SGTB: variants seen among roughly 807,000 people sequenced by gnomAD.
SGTB encodes the protein small glutamine rich tetratricopeptide repeat co-chaperone beta.
In SGTB, 19 loss-of-function variants were observed where a neutral mutation model predicts 43.9. The observed-to-expected ratio is 0.43, with a 90% confidence interval of 0.30 to 0.63. The LOEUF is 0.63. Among genes scored for constraint, SGTB ranks in the 30% least tolerant of loss-of-function variants. The pLI is 0.12. For missense variants in SGTB, 304 were observed against 358.9 expected (o/e 0.85, Z 1.24); for synonymous variants, 116 against 117.3 (o/e 0.99, Z 0.07).
intron 5 of SGTB, among the ~76,000 whole-genome samples, chr5:65,693,510 A>C (rs1229746101): frequency 6.6e-6 from 1 of 152,012 alleles, no homozygotes; most frequent in African/African-American, 2.4e-5. Context: ...ATAGAGAGAG[A>C]TGTTCATCAT....
intron 8 of SGTB, among the ~76,000 whole-genome samples, chr5:65,676,154 C>G (rs1447796077): frequency 1.3e-5 from 2 of 152,034 alleles, no homozygotes; most frequent in African/African-American, 4.8e-5. Context: ...ATTTACCAAG[C>G]AAATGGAAAA....
rs1561782258 is a variant in SGTB, at chr5:65,667,958, T to TC, written c.*2287_*2288insG. ...TAGTCTCTTAGTCTCTTTTTCTTTT[T>TC]TTTTTTTTTTTTGAAATGGAGTCTT... On this transcript the variant is annotated 3_prime_UTR_variant, in exon 11 of 11. Coordinates refer to ENST00000381007, the MANE Select transcript of SGTB (RefSeq NM_019072.3). 1 of 95,002 alleles carries TC rather than the reference T, an allele frequency of 1.1e-5. No homozygotes were observed. The highest frequency in any genetic ancestry group is 3.1e-5 in the African/African-American group (1 of 32,260). The allele number at this position is 95,002 out of a possible 1,614,324, so 5.9% of individuals were successfully genotyped here.
intron 5 of SGTB, among the ~76,000 whole-genome samples, chr5:65,688,502 G>T (rs1365745693): frequency 6.6e-6 from 1 of 152,176 alleles, no homozygotes; most frequent in East Asian, 1.9e-4. Flanking sequence ...AGGATGGAGA[G>T]AGAAAATTTT....
upstream of SGTB, chr5:65,722,455 C>T (rs773928294): frequency 5.2e-6 from 8 of 1,541,084 alleles, no homozygotes; most frequent in South Asian, 4.8e-5. Flanking sequence ...GTGGGCAGGG[C>T]GGGGTCTTTC....
At chr5:65,685,506 A>ACTAAT in intron 5 of SGTB, 34 bp from the exon 6 acceptor site, 1 of 1,587,910 alleles carries the variant, frequency 6.3e-7, no homozygotes, top group Non-Finnish European at 8.6e-7. Flanking sequence ...TATTAAAGGC[A>ACTAAT]GTTTTCAAGG....
At chr5:65,693,423 GAGGGAA>G (rs1757656929) in intron 5 of SGTB, among the ~76,000 whole-genome samples, 4 of 150,528 alleles carry the variant, frequency 2.7e-5, no homozygotes, top group Admixed American at 2.0e-4. Context: ...AGGAGAGAGA[GAGGGAA>G]GGAAGGAAGG....
chr5:65,670,945 C>CT (rs1255657162), intron 10 of SGTB, among the ~76,000 whole-genome samples: 1 of 152,094 alleles, frequency 6.6e-6, no homozygotes, highest in African/African-American at 2.4e-5. Context: ...GCATCAGACA[C>CT]AGATTCAAAA....
intron 8 of SGTB, among the ~76,000 whole-genome samples, chr5:65,678,812 C>T (rs963286861): frequency 1.3e-5 from 2 of 152,106 alleles, no homozygotes; most frequent in African/African-American, 4.8e-5. Context: ...AAACTGGACC[C>T]CTTCGTTATA....
intron 5 of SGTB, among the ~76,000 whole-genome samples, chr5:65,697,132 T>C (rs1219338627): frequency 6.6e-6 from 1 of 152,164 alleles, no homozygotes; most frequent in Non-Finnish European, 1.5e-5. Context: ...TTATAGCTAC[T>C]AGAGTCTCAA....
intron 5 of SGTB, among the ~76,000 whole-genome samples, chr5:65,693,157 C>A (rs990820365): frequency 6.6e-6 from 1 of 151,580 alleles, no homozygotes; most frequent in Non-Finnish European, 1.5e-5. Context: ...CCATTGCACT[C>A]CAGGCTGGGT....
chr5:65,712,919 G>A lies in SGTB; in HGVS notation c.204+42C>T, dbSNP rs769970132. 10 of 1,456,804 alleles carry A rather than the reference G, an allele frequency of 6.9e-6. No individual in the cohort carries two copies. In the Admixed American group the frequency reaches 1.6e-4, roughly 23 times the overall value. 90.2% of individuals were successfully genotyped at this position (1,456,804 alleles called of 1,614,324 possible). A position where few individuals can be genotyped will look rare whatever the true frequency, so the allele number is the denominator to read the frequency against. ...ATTAACAATCTATTAACATAAAATT[G>A]TAGTCATATCAGTTAATAATGAGAA... On this transcript the variant is annotated intron_variant, in intron 3 of 10. Coordinates refer to ENST00000381007, the MANE Select transcript of SGTB (RefSeq NM_019072.3).
chr5:65,717,530 T>C (rs538886445), intron 2 of SGTB, among the ~76,000 whole-genome samples: 12 of 151,644 alleles, frequency 7.9e-5, no homozygotes, highest in Admixed American at 6.6e-4. Context: ...TCTATGGTAA[T>C]AGCTAGTCAA....
rs1757885680 is a variant in SGTB at position 65,704,169 on chromosome 5, T to C, written c.374+110A>G. On this transcript the variant is annotated intron_variant, in intron 5 of 10. Transcript: ENST00000381007. ...GTTTATTTTTTCTTCCTTCTTTATA[T>C]TTTTCTGAACTTTCAAAATTTTCTA... The C allele has an allele frequency of 4.0e-6, 3 of 746,282 alleles. No individual in the cohort carries two copies. In the South Asian group the frequency reaches 9.4e-5, roughly 23 times the overall value. 46.2% of individuals were successfully genotyped at this position (746,282 alleles called of 1,614,324 possible).
intron 9 of SGTB, 119 bp from the exon 10 acceptor site, chr5:65,672,117 G>A: frequency 2.6e-6 from 4 of 1,565,634 alleles, no homozygotes; most frequent in South Asian, 1.1e-5. Context: ...CCAAATGTGT[G>A]TGGCTTTAAG....
intron 5 of SGTB, among the ~76,000 whole-genome samples, chr5:65,688,936 A>G (rs1006424164): frequency 6.6e-6 from 1 of 152,030 alleles, no homozygotes; most frequent in Admixed American, 6.6e-5. Context: ...CAGCCTCCCA[A>G]GTAGCTGGGA....
chr5:65,715,786 T>G (rs75541570), intron 2 of SGTB, among the ~76,000 whole-genome samples: 1 of 152,206 alleles, frequency 6.6e-6, no homozygotes, highest in Non-Finnish European at 1.5e-5. Context: ...GTTGTTGTTT[T>G]TGAGACGGAG....
chr5:65,688,410 G>A lies in SGTB; in HGVS notation c.375-2938C>T, dbSNP rs181792079. Among the ~76,000 whole-genome samples the A allele has an allele frequency of 5.6e-3, 855 of 152,280 alleles. 4 individuals are homozygous for A. Among genetic ancestry groups the A allele is most frequent in the Non-Finnish European group, 8.9e-3 (608 of 68,032 alleles). The stretch of plus-strand genomic sequence containing the variant: ...AATGCCTCAATCTCATCTCTTTTCT[G>A]CCAAGAGTCTCACCTTCAAAACAGT... On this transcript the variant is annotated intron_variant, in intron 5 of 10. Transcript: ENST00000381007.
chr5:65,720,596 A>C (rs2150727011), intron 2 of SGTB, 112 bp downstream of exon 2: 1 of 1,304,032 alleles, frequency 7.7e-7, no homozygotes, highest in Admixed American at 2.9e-5. Context: ...TCCTCTTGAA[A>C]GATCAAAAAA....
At position 65,667,928 on chromosome 5, in the gene SGTB, ATAAT is replaced by A. The variant is rs1757071947; in HGVS notation, c.*2314_*2317del. 6.6e-6 allele frequency: 1 copy of A among 151,652 alleles called. No homozygotes were observed. Among genetic ancestry groups the A allele is most frequent in the Non-Finnish European group, 1.5e-5 (1 of 67,930 alleles). The allele number at this position is 151,652 out of a possible 1,614,324, so 9.4% of individuals were successfully genotyped here. ...TGGATTTTAAACTTCAAGATACAAA[ATAAT>A]TAGTCTCTTAGTCTCTTTTTCTTTT... is the stretch of plus-strand genomic sequence containing the variant. On this transcript the variant is annotated 3_prime_UTR_variant, in exon 11 of 11. Transcript: ENST00000381007.
Sources: gnomAD v4.1 joint callset for allele counts (sites outside exome capture counted in the v4.1 genomes callset) on GRCh38, gnomAD v4.1.1 for gene constraint, MANE v1.5 for transcripts, NCBI Gene and HGNC (gene_info 2026-07-23, HGNC 2026-07-21) for gene names.